PLAC1: variants seen among roughly 807,000 people sequenced by gnomAD.
PLAC1 encodes the protein placenta associated 1.
For missense variants in PLAC1, 136 were observed against 163.2 expected (o/e 0.83, Z 0.91); for synonymous variants, 68 against 62.1 (o/e 1.09, Z -0.44).
At chrX:134,670,097 CAG>C (rs754283777) in intron 2 of PLAC1, among the ~76,000 whole-genome samples, 4 of 93,359 alleles carry the variant, frequency 4.3e-5, no homozygotes, top group Non-Finnish European at 8.1e-5. Context: ...GGCTGGGTGG[CAG>C]CTGAAACTTT....
At chrX:134,692,731 A>G (rs980536631) in intron 2 of PLAC1, among the ~76,000 whole-genome samples, 1 of 111,515 alleles carries the variant, frequency 9.0e-6, no homozygotes, top group Non-Finnish European at 1.9e-5. Context: ...AGAGTCCACA[A>G]TGTGCTAAAC....
intron 1 of PLAC1, among the ~76,000 whole-genome samples, chrX:134,736,168 C>T (rs747659864): frequency 2.7e-5 from 3 of 109,551 alleles, no homozygotes; most frequent in African/African-American, 1.0e-4. Context: ...CCCAGCTACT[C>T]GGCAGGCTGA....
chrX:134,721,226 A>G (rs1206313117), intron 2 of PLAC1, among the ~76,000 whole-genome samples: 1 of 112,647 alleles, frequency 8.9e-6, no homozygotes, highest in Non-Finnish European at 1.9e-5. Context: ...AAGGAAAGGC[A>G]TATCAAAACC....
chrX:134,655,281 A>G (rs1408528468), intron 1 of PLAC1, among the ~76,000 whole-genome samples: 1 of 109,472 alleles, frequency 9.1e-6, no homozygotes, highest in African/African-American at 3.3e-5. Flanking sequence ...TTCCACAATT[A>G]ACATTTCAAC....
At chrX:134,659,851 T>C (rs1421761243), upstream of PLAC1, among the ~76,000 whole-genome samples, 6 of 111,745 alleles carry the variant, frequency 5.4e-5, no homozygotes, top group Admixed American at 5.7e-4. Flanking sequence ...AACAGAGAGA[T>C]TAAATAACTT....
At chrX:134,709,625 T>C (rs2078621926) in intron 2 of PLAC1, among the ~76,000 whole-genome samples, 1 of 110,412 alleles carries the variant, frequency 9.1e-6, no homozygotes, top group Middle Eastern at 4.7e-3. Context: ...TAAAACTATA[T>C]AGTATTGGCA....
intron 1 of PLAC1, among the ~76,000 whole-genome samples, chrX:134,738,311 C>T (rs911745984): frequency 8.9e-6 from 1 of 112,144 alleles, no homozygotes; most frequent in Non-Finnish European, 1.9e-5. Context: ...ACTTTCCCAG[C>T]GCACAGTATT....
In PLAC1 at chrX:134,629,449, T is replaced by TTAG. The variant is rs1487891639; in HGVS notation, c.-130-27328_-130-27327insCTA. On this transcript the variant is annotated intron_variant, in intron 1 of 2. Transcript: ENST00000359237. ...TATTTGAATTCAGGCGGTCCCATTA[T>TTAG]TATTATTATTATTATTGAAGCTGAC... Among the ~76,000 whole-genome samples, 5 of 111,384 alleles carry TTAG rather than the reference T, an allele frequency of 4.5e-5. No homozygotes were observed. In the Admixed American group the frequency reaches 4.8e-4, roughly 11 times the overall value.
chrX:134,627,088 C>T (rs2078240044), intron 1 of PLAC1, among the ~76,000 whole-genome samples: 1 of 110,938 alleles, frequency 9.0e-6, no homozygotes, highest in Non-Finnish European at 1.9e-5. Flanking sequence ...CTCAACACTT[C>T]AGCATAGTTC....
chrX:134,577,244 T>A (rs1235177629), intron 2 of PLAC1, among the ~76,000 whole-genome samples: 4 of 111,869 alleles, frequency 3.6e-5, no homozygotes, highest in Non-Finnish European at 5.6e-5. Flanking sequence ...AGGGAGACGT[T>A]CCCAACTATA....
At chrX:134,578,232 T>C (rs933618570) in intron 2 of PLAC1, among the ~76,000 whole-genome samples, 2 of 109,764 alleles carry the variant, frequency 1.8e-5, no homozygotes, top group East Asian at 5.8e-4. Flanking sequence ...GCTAACACGG[T>C]GAAACCCCGT....
intron 1 of PLAC1, among the ~76,000 whole-genome samples, chrX:134,609,660 C>T (rs2078142781): frequency 9.0e-6 from 1 of 111,652 alleles, no homozygotes; most frequent in African/African-American, 3.3e-5. Context: ...CTGGAAAGTC[C>T]AAGATCAAGG....
chrX:134,567,286 G>A (rs2077881847), intron 2 of PLAC1, among the ~76,000 whole-genome samples: 1 of 112,192 alleles, frequency 8.9e-6, no homozygotes, highest in African/African-American at 3.2e-5. Context: ...TACTTAAAAT[G>A]ATCAAACGAA....
intron 1 of PLAC1, among the ~76,000 whole-genome samples, chrX:134,645,939 A>G (rs752435906): frequency 9.0e-6 from 1 of 111,654 alleles, no homozygotes; most frequent in South Asian, 3.8e-4. Flanking sequence ...TTCCCTTTAC[A>G]TACGGTTGGA....
chrX:134,760,825 T>C (rs1230075708), intron 1 of PLAC1, among the ~76,000 whole-genome samples: 3 of 111,381 alleles, frequency 2.7e-5, no homozygotes, highest in Non-Finnish European at 5.6e-5. Context: ...AGTTACGTTG[T>C]GCCAGAGCCA....
chrX:134,714,540 G>T (rs1437395481), intron 2 of PLAC1, among the ~76,000 whole-genome samples: 1 of 111,411 alleles, frequency 9.0e-6, no homozygotes, highest in Non-Finnish European at 1.9e-5. Flanking sequence ...CGATTCAGTG[G>T]CATTCAGTAC....
At chrX:134,578,439 A>AG (rs1428986567) in intron 2 of PLAC1, among the ~76,000 whole-genome samples, 5 of 103,993 alleles carry the variant, frequency 4.8e-5, no homozygotes, top group Admixed American at 1.0e-4. Context: ...AGAAAAGAAA[A>AG]AAAAACTCAG....
intron 2 of PLAC1, among the ~76,000 whole-genome samples, chrX:134,708,120 C>T (rs914742558): frequency 4.5e-5 from 5 of 112,063 alleles, no homozygotes; most frequent in African/African-American, 1.3e-4. Context: ...ACAACCAAAA[C>T]GTCCCTCAAC....
At chrX:134,605,367 C>T (rs1254059606) in intron 1 of PLAC1, among the ~76,000 whole-genome samples, 4 of 112,044 alleles carry the variant, frequency 3.6e-5, no homozygotes, top group Non-Finnish European at 5.6e-5. Context: ...TCAGGGATGT[C>T]CATTCATCCA....
Sources: allele counts gnomAD v4.1 joint callset (sites outside exome capture counted in the v4.1 genomes callset), GRCh38; gene constraint gnomAD v4.1.1; transcripts MANE v1.5; gene names NCBI Gene and HGNC (gene_info 2026-07-23, HGNC 2026-07-21).